The following RUNX2 variants were observed in gnomAD, a reference collection of about 807,000 sequenced individuals.
RUNX2 encodes the protein RUNX family transcription factor 2, also known as runt-related transcription factor 2.
In RUNX2, 10 loss-of-function variants were observed where a neutral mutation model predicts 51.7. That is an observed-to-expected ratio of 0.19 (90% CI 0.12 to 0.33). RUNX2 has a LOEUF of 0.33. Ranked by LOEUF, RUNX2 falls within the 10% of genes least tolerant of loss-of-function variation. The pLI is 1.00. For missense variants in RUNX2, 562 were observed against 691.3 expected (o/e 0.81, Z 2.10); for synonymous variants, 276 against 273.6 (o/e 1.01, Z -0.09).
intron 3 of RUNX2, among the ~76,000 whole-genome samples, chr6:45,428,154 T>A (rs775522988): frequency 1.0e-3 from 154 of 152,334 alleles, no homozygotes; most frequent in Non-Finnish European, 1.9e-3. Flanking sequence ...TGCTTATTCC[T>A]AACTAGTTAA....
chr6:45,421,009 T>G (rs1563077673), intron 2 of RUNX2: 1 of 152,184 alleles, frequency 6.6e-6, no homozygotes, highest in African/African-American at 2.4e-5. Flanking sequence ...CACAACTTTT[T>G]GGGGGATCCA....
At chr6:45,392,196 A>G (rs1283686755) in intron 2 of RUNX2, among the ~76,000 whole-genome samples, 1 of 152,096 alleles carries the variant, frequency 6.6e-6, no homozygotes, top group East Asian at 1.9e-4. Flanking sequence ...AGAACATTTT[A>G]TTTTTTACTA....
intron 2 of RUNX2, among the ~76,000 whole-genome samples, chr6:45,342,385 C>T (rs1253475967): frequency 1.3e-5 from 2 of 152,076 alleles, no homozygotes; most frequent in Admixed American, 1.3e-4. Flanking sequence ...CCTCAGCCTC[C>T]CGAGTAGCTA....
At chr6:45,424,972 C>T (rs1417103385) in intron 3 of RUNX2, among the ~76,000 whole-genome samples, 2 of 152,072 alleles carry the variant, frequency 1.3e-5, no homozygotes, top group Non-Finnish European at 1.5e-5. Flanking sequence ...CAATGTCCAT[C>T]GTCCAAGGGC....
In RUNX2 at chr6:45,459,681, G is replaced by A. The variant is rs185765319; in HGVS notation, c.685+21630G>A. Among the ~76,000 whole-genome samples the A allele has an allele frequency of 2.5e-4, 38 of 152,252 alleles. No individual in the cohort carries two copies. In the East Asian group the frequency reaches 3.9e-3, roughly 15 times the overall value. On this transcript the variant is annotated intron_variant, in intron 5 of 8. Coordinates refer to ENST00000647337, the MANE Select transcript of RUNX2 (RefSeq NM_001024630.4). ...AAATTGTTTCCCTCTTGGAACTTGT[G>A]TTCTATTGAAAGAGGGAGACAATAA... is the stretch of plus-strand genomic sequence containing the variant.
At chr6:45,539,591 A>C (rs933143720) in intron 7 of RUNX2, among the ~76,000 whole-genome samples, 2 of 152,224 alleles carry the variant, frequency 1.3e-5, no homozygotes, top group Admixed American at 1.3e-4. Flanking sequence ...AATTCAGGGA[A>C]ATTTAGAAAA....
At chr6:45,452,931 C>G (rs1299966867) in intron 5 of RUNX2, among the ~76,000 whole-genome samples, 1 of 152,172 alleles carries the variant, frequency 6.6e-6, no homozygotes, top group Non-Finnish European at 1.5e-5. Flanking sequence ...AGCCACTACA[C>G]TTTACCCTTC....
chr6:45,383,856 C>T (rs1797292649), intron 2 of RUNX2, among the ~76,000 whole-genome samples: 1 of 152,222 alleles, frequency 6.6e-6, no homozygotes, highest in African/African-American at 2.4e-5. Context: ...ATTCCTACTT[C>T]ACATTCTGAA....
At chr6:45,534,104 A>G (rs1210398943) in intron 7 of RUNX2, among the ~76,000 whole-genome samples, 4 of 152,036 alleles carry the variant, frequency 2.6e-5, no homozygotes, top group African/African-American at 9.7e-5. Context: ...CATATTGGTC[A>G]GGCTGGTCTC....
intron 5 of RUNX2, among the ~76,000 whole-genome samples, chr6:45,485,669 A>ATGTGTGTGTG (rs1229585406): frequency 1.7e-5 from 2 of 119,308 alleles, no homozygotes; most frequent in African/African-American, 6.4e-5. Context: ...GTGCATGGAT[A>ATGTGTGTGTG]TGTATGTGTG....
intron 6 of RUNX2, among the ~76,000 whole-genome samples, chr6:45,508,824 GA>G (rs1336140150): frequency 2.0e-5 from 3 of 152,158 alleles, no homozygotes; most frequent in Non-Finnish European, 4.4e-5. Context: ...AGCTTAAAGA[GA>G]AATTAGAGAA....
chr6:45,364,979 A>C (rs771046861), intron 2 of RUNX2, among the ~76,000 whole-genome samples: 1 of 152,194 alleles, frequency 6.6e-6, no homozygotes, highest in Non-Finnish European at 1.5e-5. Context: ...ATTTATAAAG[A>C]TGAACTAATA....
chr6:45,499,125 A>G (rs941439767), intron 6 of RUNX2, among the ~76,000 whole-genome samples: 6 of 152,226 alleles, frequency 3.9e-5, no homozygotes, highest in African/African-American at 1.2e-4. Flanking sequence ...CTTGTAGGCA[A>G]CTTGTGTCAA....
chr6:45,542,346 T>C (rs975498110), intron 7 of RUNX2, among the ~76,000 whole-genome samples: 1 of 152,206 alleles, frequency 6.6e-6, no homozygotes, highest in Middle Eastern at 3.2e-3. Flanking sequence ...CTGTGTATAT[T>C]AGGTTGTGAA....
Position 45,400,047 on chromosome 6 carries a change from AAAGGAGGGAGGGAAGGAAGGAAAG to A in RUNX2, c.59-22523_59-22500del, listed in dbSNP as rs1478172686. On this transcript the variant is annotated intron_variant, in intron 2 of 8. Transcript: ENST00000647337. ...GAGGGAGGGAGGGAAGGAAAGAAGG[AAAGGAGGGAGGGAAGGAAGGAAAG>A]AAGGAGGGAGGGAAGGAAGGAAGGA... Among the ~76,000 whole-genome samples, 51 of 109,138 alleles carry A rather than the reference AAAGGAGGGAGGGAAGGAAGGAAAG, an allele frequency of 4.7e-4. No homozygotes were observed. The South Asian group carries it at 0.019, about 41-fold the overall frequency. 71.6% of individuals were successfully genotyped at this position (109,138 alleles called of 152,430 possible).
chr6:45,346,517 A>G (rs1403345594), intron 2 of RUNX2, among the ~76,000 whole-genome samples: 1 of 151,502 alleles, frequency 6.6e-6, no homozygotes, highest in African/African-American at 2.4e-5. Flanking sequence ...CTTTCTTTTC[A>G]CATCATCTAG....
chr6:45,477,162 C>A (rs1799979750), intron 5 of RUNX2, among the ~76,000 whole-genome samples: 1 of 152,204 alleles, frequency 6.6e-6, no homozygotes, highest in African/African-American at 2.4e-5. Flanking sequence ...GTCTCCGCCA[C>A]TGGCTCCTCA....
At chr6:45,351,942 T>C (rs1468211752) in intron 2 of RUNX2, among the ~76,000 whole-genome samples, 3 of 152,192 alleles carry the variant, frequency 2.0e-5, no homozygotes, top group Non-Finnish European at 4.4e-5. Context: ...ACAATTAGTA[T>C]ACTCCTAATT....
chr6:45,360,758 T>C (rs754793372), intron 2 of RUNX2, among the ~76,000 whole-genome samples: 33 of 152,126 alleles, frequency 2.2e-4, no homozygotes, highest in Non-Finnish European at 5.9e-5. Flanking sequence ...CATTCTAAAT[T>C]TGAGGTGCTC....
Sources: gnomAD v4.1 joint callset for allele counts (sites outside exome capture counted in the v4.1 genomes callset) on GRCh38, gnomAD v4.1.1 for gene constraint, MANE v1.5 for transcripts, NCBI Gene and HGNC (gene_info 2026-07-23, HGNC 2026-07-21) for gene names.